Variants in MYO18A observed in about 807,000 individuals in gnomAD.
The protein encoded by MYO18A is myosin XVIIIA.
A neutral mutation model predicts 235.8 loss-of-function variants in MYO18A; 78 were observed. The ratio of observed to expected loss-of-function variants is 0.33; its 90% CI spans 0.28 to 0.40. The LOEUF (loss-of-function observed/expected upper bound fraction) is 0.40. Among genes scored for constraint, MYO18A ranks in the 10% least tolerant of loss-of-function variants. The probability of loss-of-function intolerance (pLI) is 1.00; values close to 1 mark genes in which losing one functional copy is unlikely to be tolerated. For missense variants in MYO18A, 2,215 were observed against 2,699.3 expected (o/e 0.82, Z 3.98); for synonymous variants, 977 against 1,077.8 (o/e 0.91, Z 1.83).
intron 2 of MYO18A, among the ~76,000 whole-genome samples, chr17:29,122,681 G>A (rs2067229864): frequency 6.6e-6 from 1 of 152,228 alleles, no homozygotes; most frequent in Non-Finnish European, 1.5e-5. Flanking sequence ...GATCTTCCGT[G>A]CCCAGCTTCT....
At chr17:29,128,137 G>C (rs566280360) in intron 2 of MYO18A, 5 of 1,108,000 alleles carry the variant, frequency 4.5e-6, no homozygotes, top group Middle Eastern at 4.3e-4. Flanking sequence ...GCAGGCCCAG[G>C]GAGAGCTCAT....
chr17:29,105,961 G>T (rs940976889), intron 20 of MYO18A, among the ~76,000 whole-genome samples: 3 of 152,116 alleles, frequency 2.0e-5, no homozygotes, highest in African/African-American at 7.2e-5. Context: ...AGGCTCAGGA[G>T]GGCTGAGGGT....
chr17:29,080,415 G>C (rs951853487), intron 41 of MYO18A: 1 of 986,114 alleles, frequency 1.0e-6, no homozygotes, highest in Admixed American at 6.1e-5. Flanking sequence ...ACTGCGAGCA[G>C]GCCTCGCTCA....
At chr17:29,132,722 C>T (rs759635245) in intron 2 of MYO18A, among the ~76,000 whole-genome samples, 11 of 152,184 alleles carry the variant, frequency 7.2e-5, no homozygotes, top group Admixed American at 1.3e-4. Context: ...CTATCTGCAA[C>T]GGGCTCAATC....
chr17:29,098,281 A>AG, intron 24 of MYO18A, 57 bp from the exon 25 acceptor site: 1 of 1,612,318 alleles, frequency 6.2e-7, no homozygotes, highest in South Asian at 1.1e-5. Context: ...ACTCAGCCAG[A>AG]ACACCTGGGG....
intron 37 of MYO18A, 24 bp downstream of exon 37, chr17:29,089,937 G>A: frequency 6.2e-7 from 1 of 1,613,796 alleles, no homozygotes; most frequent in Non-Finnish European, 8.5e-7. Flanking sequence ...TGTTTGGTGT[G>A]GCCCGGGAGA....
intron 39 of MYO18A, 58 bp from the exon 40 acceptor site, chr17:29,085,706 C>CT: frequency 6.3e-7 from 1 of 1,583,844 alleles, no homozygotes; most frequent in Non-Finnish European, 8.7e-7. Context: ...TGAAATCAAT[C>CT]GGCAACCCAA....
At chr17:29,123,558 G>T (rs1316966119) in intron 2 of MYO18A, among the ~76,000 whole-genome samples, 2 of 152,238 alleles carry the variant, frequency 1.3e-5, no homozygotes, top group African/African-American at 4.8e-5. Context: ...GCTTTAGACA[G>T]ATCCCTCCAG....
chr17:29,091,792 TG>T (rs2066404412), intron 34 of MYO18A: 1 of 406,846 alleles, frequency 2.5e-6, no homozygotes, highest in African/African-American at 2.1e-5. Context: ...CCCACTGGGG[TG>T]GGTCCCAGGA....
chr17:29,157,095 T>TGGGCCAAAAAGGTGAGAGGGGCAAC (rs1340773378), intron 2 of MYO18A, among the ~76,000 whole-genome samples: 1 of 152,226 alleles, frequency 6.6e-6, no homozygotes, highest in Non-Finnish European at 1.5e-5. Flanking sequence ...CATGCCAGTA[T>TGGGCCAAAAAGGTGAGAGGGGCAAC]GGGCCAAAAA....
intron 1 of MYO18A, chr17:29,176,885 G>C (rs1262423196): frequency 2.6e-5 from 4 of 152,136 alleles, no homozygotes; most frequent in African/African-American, 9.7e-5. Context: ...CCGCGGCTGG[G>C]CCGGCGCAGC....
intron 2 of MYO18A, among the ~76,000 whole-genome samples, chr17:29,134,719 C>A (rs545720353): frequency 2.0e-5 from 3 of 152,106 alleles, no homozygotes; most frequent in African/African-American, 7.2e-5. Flanking sequence ...GACGGGGTTT[C>A]TCCATGTTAG....
In MYO18A at chr17:29,111,522, G is replaced by A. The variant is rs1049507971; in HGVS notation, c.2802C>T (p.Gly934=). The A allele has an allele frequency of 6.2e-7, 1 of 1,613,674 alleles. No homozygotes were observed. Among genetic ancestry groups the A allele is most frequent in the Non-Finnish European group, 8.5e-7 (1 of 1,179,756 alleles). ...PHHFLLGHSH[G]TNWVEYNVTG... Reference sequence around the variant, plus strand: ...TCACATTGTACTCTACCCAGTTGGTGCCATGGCTGTGGCCCAGGAGAAAGT... The same window carrying A: ...TCACATTGTACTCTACCCAGTTGGTACCATGGCTGTGGCCCAGGAGAAAGT... The change falls in exon 17 of 42, where the codon GGC becomes GGT. Residue 934 remains glycine, a synonymous_variant. Transcript: ENST00000527372. The surrounding 1 kb of genome is among the most constrained non-coding windows in gnomAD (Gnocchi z 5.1).
In MYO18A at chr17:29,099,734, C is replaced by G. The variant is rs199953389; in HGVS notation, c.3536G>C (p.Arg1179Pro). ...RVFFRAGTLA[R>P]LEEQRDEQTS... ...TTGTTCATCCCGCTGCTCCTCCAGC[C>G]GTGCCAAGGTGCCCGCCCGGAAGAA... The change falls in exon 22 of 42, where the codon CGG (arginine) becomes CCG (proline). Residue 1179 changes from arginine to proline, a missense_variant. Physicochemically the swap from Arg to Pro is moderately radical, Grantham distance 103. Transcript: ENST00000527372. 1.2e-6 allele frequency: 2 copies of G among 1,613,330 alleles called. No homozygotes were observed. The highest frequency in any genetic ancestry group is 1.7e-6 in the Non-Finnish European group (2 of 1,179,834).
intron 2 of MYO18A, among the ~76,000 whole-genome samples, chr17:29,163,412 G>A (rs2068215215): frequency 6.6e-6 from 1 of 152,210 alleles, no homozygotes; most frequent in South Asian, 2.1e-4. Context: ...TCAGCCCTAT[G>A]TGTCTCCTTA....
intron 2 of MYO18A, among the ~76,000 whole-genome samples, chr17:29,160,252 A>G (rs1162577057): frequency 6.6e-6 from 1 of 152,252 alleles, no homozygotes; most frequent in Non-Finnish European, 1.5e-5. Flanking sequence ...CTGCAATTCT[A>G]TTCTGCTTCT....
Position 29,165,989 on chromosome 17 carries a change from T to TGCTGAGCTC in MYO18A, c.943_951dup (p.Glu315_Ser317dup). 5 of 1,613,596 alleles carry TGCTGAGCTC rather than the reference T, an allele frequency of 3.1e-6. No individual in the cohort carries two copies. The highest frequency in any genetic ancestry group is 2.2e-5 in the East Asian group (1 of 44,878). The stretch of plus-strand genomic sequence containing the variant: ...CCCTCGCCGCTCCGCAGCCAGCTCC[T>TGCTGAGCTC]GCTGAGCTCGCTGAGCTCTGGAATG... On this transcript the variant is annotated inframe_insertion, in exon 2 of 42. Coordinates refer to ENST00000527372, the MANE Select transcript of MYO18A (RefSeq NM_078471.4).
chr17:29,131,496 C>A (rs892759746), intron 2 of MYO18A: 1 of 907,102 alleles, frequency 1.1e-6, no homozygotes, highest in African/African-American at 1.8e-5. Context: ...AGACCCAGCA[C>A]TAAAAGCACA....
At chr17:29,129,485 G>T (rs1168418756) in intron 2 of MYO18A, among the ~76,000 whole-genome samples, 1 of 152,224 alleles carries the variant, frequency 6.6e-6, no homozygotes, top group Non-Finnish European at 1.5e-5. Context: ...GGAAGGCCAG[G>T]CTGGCTAACG....
Sources: gnomAD v4.1 joint callset for allele counts (sites outside exome capture counted in the v4.1 genomes callset) on GRCh38, gnomAD v4.1.1 for gene constraint, Gnocchi (gnomAD v3.1) non-coding constraint, MANE v1.5 for transcripts, NCBI Gene and HGNC (gene_info 2026-07-23, HGNC 2026-07-21) for gene names.